Variants in MAP2 observed in about 807,000 individuals in gnomAD.
MAP2 encodes the protein microtubule-associated protein 2.
Under a neutral mutation model 137.6 loss-of-function variants are expected in MAP2, and 14 were observed. That is an observed-to-expected ratio of 0.10 (90% CI 0.07 to 0.16). The LOEUF is 0.16. Among genes scored for constraint, MAP2 ranks in the 10% least tolerant of loss-of-function variants. MAP2 has a pLI of 1.00. For synonymous variants in MAP2, 786 were observed against 782.3 expected (o/e 1.00, Z -0.08); for missense variants, 2,088 against 2,191.5 (o/e 0.95, Z 0.94).
At chr2:209,583,115 C>CTCTA (rs200682173) in intron 3 of MAP2, among the ~76,000 whole-genome samples, 53 of 145,540 alleles carry the variant, frequency 3.6e-4, no homozygotes, top group Middle Eastern at 6.9e-3. Context: ...ATCAAAATAT[C>CTCTA]TCTATCTATC....
rs776266690 is a variant in MAP2 at position 209,631,005 on chromosome 2, C to CAAAA, written c.-30+5903_-30+5906dup. Among the ~76,000 whole-genome samples the CAAAA allele has an allele frequency of 2.7e-3, 115 of 42,136 alleles. 43 individuals are homozygous for CAAAA. Among genetic ancestry groups the CAAAA allele is most frequent in the Non-Finnish European group, 3.7e-3 (82 of 22,068 alleles). 27.6% of individuals were successfully genotyped at this position (42,136 alleles called of 152,430 possible). A position where few individuals can be genotyped will look rare whatever the true frequency, so the allele number is the denominator to read the frequency against. ...TTTCAAGATTGAAGGGAGCTACAAGCAAAAAAAAAAAAAAAAAAAAAAAAA... is the reference window on the plus strand; with the variant it reads ...TTTCAAGATTGAAGGGAGCTACAAGCAAAAAAAAAAAAAAAAAAAAAAAAAAAAA... On this transcript the variant is annotated intron_variant, in intron 4 of 15. Transcript: ENST00000682079.
chr2:209,425,344 TAAACACACAAGTA>T (rs1208310475), intron 1 of MAP2, among the ~76,000 whole-genome samples: 2 of 152,174 alleles, frequency 1.3e-5, no homozygotes, highest in African/African-American at 2.4e-5. Flanking sequence ...TTTAAATGCC[TAAACACACAAGTA>T]TGCACACAAA....
intron 2 of MAP2, among the ~76,000 whole-genome samples, chr2:209,522,331 A>T (rs1000387255): frequency 6.6e-6 from 1 of 152,168 alleles, no homozygotes; most frequent in Non-Finnish European, 1.5e-5. Flanking sequence ...CAGCATTTTG[A>T]ACTCTAAAAA....
At chr2:209,628,141 C>T (rs1581231263) in intron 4 of MAP2, among the ~76,000 whole-genome samples, 1 of 152,138 alleles carries the variant, frequency 6.6e-6, no homozygotes, top group East Asian at 1.9e-4. Context: ...CCGAGGCAGA[C>T]AGATCACAAG....
intron 1 of MAP2, among the ~76,000 whole-genome samples, chr2:209,476,417 A>G (rs1707246484): frequency 7.1e-6 from 1 of 141,248 alleles, no homozygotes; most frequent in Non-Finnish European, 1.5e-5. Flanking sequence ...TTTTTTCATC[A>G]TTCTGCTATA....
At chr2:209,585,254 T>TA (rs1034953786) in intron 3 of MAP2, among the ~76,000 whole-genome samples, 56 of 130,668 alleles carry the variant, frequency 4.3e-4, no homozygotes, top group South Asian at 7.2e-4. Context: ...AATGAAGAAT[T>TA]AAAAAAAAAA....
chr2:209,494,000 A>G (rs2059438262), intron 1 of MAP2, among the ~76,000 whole-genome samples: 1 of 152,172 alleles, frequency 6.6e-6, no homozygotes, highest in South Asian at 2.1e-4. Context: ...TTATTGCAGC[A>G]CTCTTCACAA....
intron 7 of MAP2, among the ~76,000 whole-genome samples, chr2:209,681,200 G>T (rs999261774): frequency 6.6e-6 from 1 of 151,942 alleles, no homozygotes; most frequent in African/African-American, 2.4e-5. Flanking sequence ...TAATAGTAGG[G>T]GTCAGATTTA....
intron 1 of MAP2, among the ~76,000 whole-genome samples, chr2:209,468,428 T>C (rs1467986498): frequency 1.3e-5 from 2 of 151,696 alleles, no homozygotes; most frequent in East Asian, 1.9e-4. Flanking sequence ...CATGCCATTT[T>C]CCTGCCTCAG....
At chr2:209,472,933 A>G (rs973163540) in intron 1 of MAP2, among the ~76,000 whole-genome samples, 9 of 152,288 alleles carry the variant, frequency 5.9e-5, no homozygotes, top group African/African-American at 1.4e-4. Flanking sequence ...CAAACAATGT[A>G]TAGGGATTTC....
chr2:209,584,341 G>T (rs1334853687), intron 3 of MAP2, among the ~76,000 whole-genome samples: 1 of 152,096 alleles, frequency 6.6e-6, no homozygotes, highest in East Asian at 1.9e-4. Flanking sequence ...GGAATCAAAG[G>T]AAGTGAACAT....
chr2:209,424,570 C>A (rs1408156505), intron 1 of MAP2, among the ~76,000 whole-genome samples: 2 of 152,192 alleles, frequency 1.3e-5, no homozygotes, highest in African/African-American at 4.8e-5. Flanking sequence ...TGAAAACTTA[C>A]GCCAGGTTAG....
chr2:209,733,390 G>C lies in MAP2; in HGVS notation c.*2993G>C, dbSNP rs1356684618. The C allele has an allele frequency of 1.3e-5, 2 of 152,342 alleles. No individual in the cohort carries two copies. The highest frequency in any genetic ancestry group is 4.8e-5 in the African/African-American group (2 of 41,290). 9.4% of individuals were successfully genotyped at this position (152,342 alleles called of 1,614,324 possible). A position where few individuals can be genotyped will look rare whatever the true frequency, so the allele number is the denominator to read the frequency against. Reference sequence around the variant, plus strand: ...TATGACACCTGTGTAACACCAGCTAGGTACGGCTGGAGAAGGCTGAAGAGA... The same window carrying C: ...TATGACACCTGTGTAACACCAGCTACGTACGGCTGGAGAAGGCTGAAGAGA... On this transcript the variant is annotated 3_prime_UTR_variant, in exon 16 of 16. Coordinates refer to ENST00000682079, the MANE Select transcript of MAP2 (RefSeq NM_001375505.1).
intron 1 of MAP2, among the ~76,000 whole-genome samples, chr2:209,465,461 A>G (rs939555773): frequency 3.9e-5 from 6 of 152,166 alleles, no homozygotes; most frequent in African/African-American, 1.4e-4. Flanking sequence ...AGGAGGACAC[A>G]CAAAATATGG....
At chr2:209,592,962 C>T (rs149557024) in intron 3 of MAP2, among the ~76,000 whole-genome samples, 12 of 152,012 alleles carry the variant, frequency 7.9e-5, no homozygotes, top group Middle Eastern at 3.4e-3. Flanking sequence ...ACTTTTTCTC[C>T]GTTCTAGGTT....
chr2:209,556,849 AG>A (rs2070798156), intron 2 of MAP2, among the ~76,000 whole-genome samples: 8 of 152,096 alleles, frequency 5.3e-5, no homozygotes, highest in Admixed American at 4.6e-4. Flanking sequence ...TTTACTGCTG[AG>A]ATTCTTTTTT....
At chr2:209,460,209 T>C (rs1389788956) in intron 1 of MAP2, among the ~76,000 whole-genome samples, 1 of 152,204 alleles carries the variant, frequency 6.6e-6, no homozygotes, top group Admixed American at 6.5e-5. Flanking sequence ...GAATTATCGT[T>C]TTCATGAAGT....
At chr2:209,703,027 T>C (rs2062228689) in intron 11 of MAP2, among the ~76,000 whole-genome samples, 1 of 152,138 alleles carries the variant, frequency 6.6e-6, no homozygotes, top group African/African-American at 2.4e-5. Context: ...CCAAAAGCCA[T>C]ACATCCTTCC....
At chr2:209,632,367 C>G (rs1249589395) in intron 4 of MAP2, among the ~76,000 whole-genome samples, 1 of 151,908 alleles carries the variant, frequency 6.6e-6, no homozygotes, top group Non-Finnish European at 1.5e-5. Context: ...AGTGGAGAAA[C>G]AGAGAAAAAT....
Sources: gnomAD v4.1 joint callset for allele counts (sites outside exome capture counted in the v4.1 genomes callset) on GRCh38, gnomAD v4.1.1 for gene constraint, MANE v1.5 for transcripts, NCBI Gene and HGNC (gene_info 2026-07-23, HGNC 2026-07-21) for gene names.